EDIL3: variants seen among roughly 807,000 people sequenced by gnomAD.
EDIL3 encodes EGF like and discoidin domains 3.
Under a neutral mutation model 67.4 loss-of-function variants are expected in EDIL3, and 37 were observed. That is an observed-to-expected ratio of 0.55 (90% CI 0.42 to 0.72). The LOEUF (loss-of-function observed/expected upper bound fraction) is 0.72, where lower values mean the gene tolerates loss of function less well. EDIL3 is among the 30% of genes least tolerant of loss of function. EDIL3 has a pLI of 0.00. For missense variants in EDIL3, 527 were observed against 586.3 expected, an observed-to-expected ratio of 0.90 and a Z score of 1.04; for synonymous variants, 195 against 196.3, an observed-to-expected ratio of 0.99 and a Z score of 0.05.
intron 6 of EDIL3, among the ~76,000 whole-genome samples, chr5:84,071,188 G>A (rs550497567): frequency 6.6e-6 from 1 of 152,270 alleles, no homozygotes; most frequent in South Asian, 2.1e-4. Context: ...GTATTTTGTG[G>A]GAAAGGGGAC....
At chr5:84,099,532 A>C (rs1172369006) in intron 6 of EDIL3, among the ~76,000 whole-genome samples, 1 of 152,208 alleles carries the variant, frequency 6.6e-6, no homozygotes. Context: ...CATATGCAGA[A>C]AACTGAAACT....
chr5:84,074,585 G>A (rs374956791), intron 6 of EDIL3, among the ~76,000 whole-genome samples: 1 of 151,726 alleles, frequency 6.6e-6, no homozygotes, highest in Admixed American at 6.6e-5. Context: ...GCAGCCAAAA[G>A]ACACATGAAA....
chr5:84,311,339 T>TTTTTTC (rs1746385726), intron 1 of EDIL3, among the ~76,000 whole-genome samples: 1 of 147,036 alleles, frequency 6.8e-6, no homozygotes, highest in Non-Finnish European at 1.5e-5. Flanking sequence ...TTTTTTTTTT[T>TTTTTTC]ACATGCAGTA....
Position 84,066,491 on chromosome 5 carries a change from G to A in EDIL3, c.767C>T (p.Thr256Ile), listed in dbSNP as rs1288841922. 9 of 1,612,678 alleles carry A rather than the reference G, an allele frequency of 5.6e-6. No homozygotes were observed. The highest frequency in any genetic ancestry group is 6.8e-6 in the Non-Finnish European group (8 of 1,179,558). The change falls in exon 7 of 11, where the codon ACT (threonine) becomes ATT (isoleucine). Residue 256 changes from threonine to isoleucine, a missense_variant. Transcript: ENST00000296591. ...YKIAYSNDGKTWAMYKVKGTN... is the reference protein window; with the variant it reads ...YKIAYSNDGKIWAMYKVKGTN... Reference sequence around the variant, plus strand: ...GCCTTTCACTTTGTACATTGCCCAAGTCTTTCCATCATTACTGTAGGCAAT... The same window carrying A: ...GCCTTTCACTTTGTACATTGCCCAAATCTTTCCATCATTACTGTAGGCAAT...
chr5:84,067,344 T>G (rs1443326468), intron 6 of EDIL3, among the ~76,000 whole-genome samples: 1 of 152,164 alleles, frequency 6.6e-6, no homozygotes, highest in African/African-American at 2.4e-5. Context: ...TTAATAGAGA[T>G]ATCTTTTTGA....
At chr5:84,284,940 T>TTCACA (rs1187506276) in intron 1 of EDIL3, among the ~76,000 whole-genome samples, 7 of 152,202 alleles carry the variant, frequency 4.6e-5, no homozygotes, top group African/African-American at 1.7e-4. Context: ...TCATTTTCAG[T>TTCACA]GACATTCTGT....
At position 84,361,818 on chromosome 5, in the gene EDIL3, T is replaced by A. The variant is rs187500390; in HGVS notation, c.67+22490A>T. Among the ~76,000 whole-genome samples, 972 of 152,104 alleles carry A rather than the reference T, an allele frequency of 6.4e-3. 6 individuals carry two copies. The highest frequency in any genetic ancestry group is 9.2e-3 in the Non-Finnish European group (626 of 67,900). On this transcript the variant is annotated intron_variant, in intron 1 of 10. Transcript: ENST00000296591. ...TCTATATCCTTTATAACTTACTTTGTGTTTTAAAACAAAGTAATGTATGAG... is the reference window on the plus strand; with the variant it reads ...TCTATATCCTTTATAACTTACTTTGAGTTTTAAAACAAAGTAATGTATGAG...
chr5:83,965,053 A>G (rs747083406), intron 9 of EDIL3, among the ~76,000 whole-genome samples: 3 of 152,106 alleles, frequency 2.0e-5, no homozygotes, highest in African/African-American at 4.8e-5. Flanking sequence ...ATCCAAAAAT[A>G]AACAGTGAAT....
chr5:84,043,859 G>T (rs11750736), intron 9 of EDIL3, among the ~76,000 whole-genome samples: 35 of 151,992 alleles, frequency 2.3e-4, no homozygotes, highest in African/African-American at 7.7e-4. Context: ...ATTCCAAAGC[G>T]GTTCCTATAG....
At chr5:83,970,137 G>A (rs1010798538) in intron 9 of EDIL3, among the ~76,000 whole-genome samples, 1 of 151,258 alleles carries the variant, frequency 6.6e-6, no homozygotes, top group Non-Finnish European at 1.5e-5. Flanking sequence ...GTGAGAACAC[G>A]TGTGCTTAAC....
chr5:84,057,503 T>G (rs926578236), intron 9 of EDIL3, among the ~76,000 whole-genome samples: 7 of 152,078 alleles, frequency 4.6e-5, no homozygotes, highest in African/African-American at 1.7e-4. Context: ...AATTTTAGAA[T>G]ATACAGCAAT....
intron 1 of EDIL3, among the ~76,000 whole-genome samples, chr5:84,361,867 T>C (rs953220651): frequency 6.6e-6 from 1 of 151,998 alleles, no homozygotes; most frequent in African/African-American, 2.4e-5. Context: ...AATGTGATAA[T>C]GCTTTATATT....
intron 9 of EDIL3, among the ~76,000 whole-genome samples, chr5:83,969,477 G>A (rs1019691008): frequency 6.6e-6 from 1 of 151,774 alleles, no homozygotes; most frequent in African/African-American, 2.4e-5. Flanking sequence ...TATTGTGCGT[G>A]CATGAATGAA....
chr5:84,065,809 T>A (rs1261122315), intron 7 of EDIL3, among the ~76,000 whole-genome samples: 2 of 152,136 alleles, frequency 1.3e-5, no homozygotes, highest in African/African-American at 4.8e-5. Flanking sequence ...ATATAATAGT[T>A]ATCTCATTAA....
intron 3 of EDIL3, among the ~76,000 whole-genome samples, chr5:84,213,673 T>G (rs558418849): frequency 6.6e-6 from 1 of 152,198 alleles, no homozygotes; most frequent in Non-Finnish European, 1.5e-5. Flanking sequence ...ATATGAAACA[T>G]ATCTAAATCT....
chr5:84,256,119 A>ACTATCTAT (rs1554038574), intron 1 of EDIL3, among the ~76,000 whole-genome samples: 5,060 of 147,068 alleles, frequency 0.034, 120 homozygotes, highest in African/African-American at 0.063. Flanking sequence ...TTATCATCTA[A>ACTATCTAT]CTATCTATCT....
intron 4 of EDIL3, among the ~76,000 whole-genome samples, chr5:84,169,788 C>A (rs1748781171): frequency 6.6e-6 from 1 of 151,748 alleles, no homozygotes; most frequent in Admixed American, 6.6e-5. Context: ...TAACCATTTG[C>A]CTGTTGAAGG....
At chr5:84,042,680 T>C (rs557201414) in intron 9 of EDIL3, among the ~76,000 whole-genome samples, 1 of 152,196 alleles carries the variant, frequency 6.6e-6, no homozygotes, top group Non-Finnish European at 1.5e-5. Flanking sequence ...ACACAAAGCA[T>C]GAGAGGAGAA....
At chr5:84,116,626 A>G (rs189960908) in intron 5 of EDIL3, among the ~76,000 whole-genome samples, 1 of 152,320 alleles carries the variant, frequency 6.6e-6, no homozygotes, top group African/African-American at 2.4e-5. Context: ...ATATGTATTT[A>G]CTAATTGAAC....
Sources: gnomAD v4.1 joint callset for allele counts (sites outside exome capture counted in the v4.1 genomes callset) on GRCh38, gnomAD v4.1.1 for gene constraint, MANE v1.5 for transcripts, NCBI Gene and HGNC (gene_info 2026-07-23, HGNC 2026-07-21) for gene names.